STK32B: variants seen among roughly 807,000 people sequenced by gnomAD.
STK32B encodes serine/threonine kinase 32B, also known as serine/threonine-protein kinase 32B.
STK32B carries 43 observed loss-of-function variants against 52.6 expected under a neutral mutation model. The observed-to-expected ratio is 0.82, with a 90% confidence interval of 0.64 to 1.05. The LOEUF (loss-of-function observed/expected upper bound fraction) is 1.05. STK32B is among the 50% of genes least tolerant of loss of function. The pLI is 0.00. For synonymous variants in STK32B, 238 were observed against 204.3 expected (o/e 1.17, Z -1.41); for missense variants, 621 against 534.6 (o/e 1.16, Z -1.59).
At chr4:5,046,903 G>T (rs1463060359), upstream of STK32B, among the ~76,000 whole-genome samples, 1 of 152,218 alleles carries the variant, frequency 6.6e-6, no homozygotes, top group Non-Finnish European at 1.5e-5. Context: ...ATGTAAATTA[G>T]TTCAACCATT....
chr4:5,221,660 A>T (rs73081627), intron 3 of STK32B, among the ~76,000 whole-genome samples: 6,662 of 152,114 alleles, frequency 0.044, 323 homozygotes, highest in African/African-American at 0.12. Flanking sequence ...GTTTGAGACC[A>T]TCCTAGCCAA....
chr4:5,345,715 T>C (rs1048926096), intron 4 of STK32B, among the ~76,000 whole-genome samples: 2 of 152,200 alleles, frequency 1.3e-5, no homozygotes, highest in African/African-American at 4.8e-5. Flanking sequence ...GGGCCTAAGC[T>C]CATACTATCT....
chr4:5,323,495 C>G (rs781366602), intron 3 of STK32B, among the ~76,000 whole-genome samples: 3 of 152,138 alleles, frequency 2.0e-5, no homozygotes, highest in Non-Finnish European at 4.4e-5. Context: ...TGGTGAGTCA[C>G]TCAGGCTAAT....
At chr4:5,115,092 T>C (rs902513435) in intron 1 of STK32B, among the ~76,000 whole-genome samples, 10 of 152,212 alleles carry the variant, frequency 6.6e-5, no homozygotes, top group Non-Finnish European at 1.3e-4. Flanking sequence ...TTCATTTTGT[T>C]GGAAGCTAAA....
intron 3 of STK32B, among the ~76,000 whole-genome samples, chr4:5,269,621 A>C (rs1201939436): frequency 6.6e-6 from 1 of 152,206 alleles, no homozygotes; most frequent in Non-Finnish European, 1.5e-5. Flanking sequence ...TTCAAAATAG[A>C]TGAATTTTGT....
intron 3 of STK32B, among the ~76,000 whole-genome samples, chr4:5,307,798 T>G (rs1730026819): frequency 6.6e-6 from 1 of 150,628 alleles, no homozygotes; most frequent in Non-Finnish European, 1.5e-5. Flanking sequence ...GCCATTCAGA[T>G]TCTTTTGTCC....
chr4:5,446,587 C>G (rs1715451930), intron 6 of STK32B, 86 bp from the exon 7 acceptor site: 3 of 1,056,612 alleles, frequency 2.8e-6, no homozygotes, highest in Non-Finnish European at 4.2e-6. Flanking sequence ...AAAACAAGCT[C>G]AATTTCTCTC....
chr4:5,220,535 C>G (rs1016165961), intron 3 of STK32B, among the ~76,000 whole-genome samples: 2 of 152,162 alleles, frequency 1.3e-5, no homozygotes, highest in Non-Finnish European at 2.9e-5. Context: ...GGTATTTCCT[C>G]CACAAACAGC....
intron 1 of STK32B, among the ~76,000 whole-genome samples, chr4:5,056,668 A>G (rs1177300632): frequency 6.6e-6 from 1 of 152,230 alleles, no homozygotes; most frequent in Non-Finnish European, 1.5e-5. Context: ...GTTGCAGAAA[A>G]TGTCCCACGG....
chr4:5,070,380 G>A (rs1400766841), intron 1 of STK32B, among the ~76,000 whole-genome samples: 3 of 152,126 alleles, frequency 2.0e-5, no homozygotes, highest in Non-Finnish European at 4.4e-5. Flanking sequence ...CCCCTATGGA[G>A]AGACTGGGGG....
chr4:5,281,956 TTTAA>T (rs1158264389), intron 3 of STK32B, among the ~76,000 whole-genome samples: 8 of 152,346 alleles, frequency 5.3e-5, no homozygotes, highest in African/African-American at 1.9e-4. Flanking sequence ...TTTACCTATT[TTTAA>T]TTCATTCTTA....
chr4:5,441,652 A>G (rs937971232), intron 6 of STK32B, among the ~76,000 whole-genome samples: 11 of 151,884 alleles, frequency 7.2e-5, no homozygotes, highest in African/African-American at 1.4e-4. Context: ...CTAGCTTTTG[A>G]ATGTGTTTGC....
chr4:5,209,398 AT>A lies in STK32B; in HGVS notation c.260+40954del. On this transcript the variant is annotated intron_variant, in intron 3 of 11. Coordinates refer to ENST00000282908, the MANE Select transcript of STK32B (RefSeq NM_018401.3). Reference sequence around the variant, plus strand: ...CACCATGCCTGGCTAATTTTTTTGTATTTTTTGTAGAGATGGGGTGTTGCTA... The same window carrying A: ...CACCATGCCTGGCTAATTTTTTTGTATTTTTGTAGAGATGGGGTGTTGCTA... Among the ~76,000 whole-genome samples the A allele has an allele frequency of 1.3e-5, 2 of 151,810 alleles. 1 individual carries two copies. The highest frequency in any genetic ancestry group is 6.8e-3 in the Middle Eastern group (2 of 294).
chr4:5,246,708 C>T (rs532930773), intron 3 of STK32B, among the ~76,000 whole-genome samples: 1 of 152,298 alleles, frequency 6.6e-6, no homozygotes, highest in African/African-American at 2.4e-5. Flanking sequence ...GTGGTTTTAT[C>T]TACCTTTGGT....
chr4:5,440,297 T>G (rs1303811560), intron 6 of STK32B, among the ~76,000 whole-genome samples: 1 of 152,220 alleles, frequency 6.6e-6, no homozygotes, highest in Non-Finnish European at 1.5e-5. Context: ...TGGCTTGTAG[T>G]TCTCCTTGAA....
rs184249249 is a variant in STK32B at position 5,478,491 on chromosome 4, T to C, written c.1106+10421T>C. Among the ~76,000 whole-genome samples, 10 of 152,346 alleles carry C rather than the reference T, an allele frequency of 6.6e-5. No homozygotes were observed. The East Asian group carries it at 1.5e-3, about 24-fold the overall frequency. On this transcript the variant is annotated intron_variant, in intron 11 of 11. Transcript: ENST00000282908. ...TAATGCTTCTGGCCAAAGGCTGTTA[T>C]TGAATTACAGAGATCAGAATTGCCT...
intron 3 of STK32B, among the ~76,000 whole-genome samples, chr4:5,247,961 A>T (rs1211019540): frequency 1.3e-5 from 2 of 151,844 alleles, no homozygotes; most frequent in Non-Finnish European, 2.9e-5. Flanking sequence ...GCCTCTTTTT[A>T]CTCATATCAG....
At chr4:5,361,918 A>G (rs1225039483) in intron 4 of STK32B, among the ~76,000 whole-genome samples, 1 of 152,254 alleles carries the variant, frequency 6.6e-6, no homozygotes, top group African/African-American at 2.4e-5. Context: ...TGTCAAAATC[A>G]GCATTGCAGT....
intron 3 of STK32B, among the ~76,000 whole-genome samples, chr4:5,175,187 T>A (rs1471704430): frequency 1.3e-5 from 2 of 152,180 alleles, no homozygotes; most frequent in African/African-American, 4.8e-5. Context: ...TTGGTTATTC[T>A]AGTTAGCCAT....
Sources: gnomAD v4.1 joint callset for allele counts (sites outside exome capture counted in the v4.1 genomes callset) on GRCh38, gnomAD v4.1.1 for gene constraint, MANE v1.5 for transcripts, NCBI Gene and HGNC (gene_info 2026-07-23, HGNC 2026-07-21) for gene names.